FAT3: variants seen among roughly 807,000 people sequenced by gnomAD.
FAT3 encodes the protein protocadherin Fat 3.
A neutral mutation model predicts 310.2 loss-of-function variants in FAT3; 95 were observed. The observed-to-expected ratio is 0.31, with a 90% confidence interval of 0.26 to 0.36. FAT3 has a LOEUF of 0.36. Among genes scored for constraint, FAT3 ranks in the 10% least tolerant of loss-of-function variants. The pLI is 1.00. For missense variants in FAT3, 5,408 were observed against 5,715.6 expected (o/e 0.95, Z 1.74); for synonymous variants, 2,314 against 2,192.9 (o/e 1.06, Z -1.54).
At chr11:92,411,506 C>T (rs1950268469) in intron 2 of FAT3, among the ~76,000 whole-genome samples, 1 of 152,044 alleles carries the variant, frequency 6.6e-6, no homozygotes, top group South Asian at 2.1e-4. Context: ...ACAGGGCTCA[C>T]CTGAACCTTT....
chr11:92,425,987 T>G (rs1950623956), intron 2 of FAT3, among the ~76,000 whole-genome samples: 1 of 152,234 alleles, frequency 6.6e-6, no homozygotes, highest in Non-Finnish European at 1.5e-5. Flanking sequence ...TGAACTAATT[T>G]ACACTCCCAC....
chr11:92,789,322 T>C (rs1355657479), intron 7 of FAT3, among the ~76,000 whole-genome samples: 1 of 152,208 alleles, frequency 6.6e-6, no homozygotes, highest in Non-Finnish European at 1.5e-5. Context: ...CATTACACTA[T>C]TTTATATTTG....
intron 4 of FAT3, among the ~76,000 whole-genome samples, chr11:92,709,562 C>T (rs1468516425): frequency 1.3e-5 from 2 of 152,138 alleles, no homozygotes; most frequent in African/African-American, 4.8e-5. Context: ...CGCTTTGTAC[C>T]CCAGCACCTA....
rs2136419595 is a variant in FAT3 at position 92,883,439 on chromosome 11, C to A, written c.12937+46C>A. On this transcript the variant is annotated intron_variant, in intron 24 of 27. Coordinates refer to ENST00000525166, the MANE Select transcript of FAT3 (RefSeq NM_001367949.2). This position sits in a 1 kb window ranked among gnomAD's most constrained non-coding sequence, Gnocchi z 4.2. ...CTCACCCCTCGGTGCTTACAGGGAACCTGCAGGGGCGCTGTGCGAGGACGC... is the reference window on the plus strand; with the variant it reads ...CTCACCCCTCGGTGCTTACAGGGAAACTGCAGGGGCGCTGTGCGAGGACGC... The A allele has an allele frequency of 1.3e-6, 2 of 1,555,612 alleles. No individual in the cohort carries two copies. Among genetic ancestry groups the A allele is most frequent in the East Asian group, 2.3e-5 (1 of 44,246 alleles).
intron 2 of FAT3, among the ~76,000 whole-genome samples, chr11:92,485,423 A>G (rs1321634238): frequency 2.6e-5 from 4 of 152,206 alleles, no homozygotes; most frequent in East Asian, 3.8e-4. Flanking sequence ...CTGCAAAGTC[A>G]TGCTTCTCTA....
intron 13 of FAT3, among the ~76,000 whole-genome samples, chr11:92,828,422 CA>C (rs1179884671): frequency 6.6e-6 from 1 of 152,148 alleles, no homozygotes; most frequent in Non-Finnish European, 1.5e-5. Context: ...TGAGAGGTAG[CA>C]AATCCTAAGT....
At chr11:92,814,879 TA>T (rs555572822) in intron 13 of FAT3, among the ~76,000 whole-genome samples, 45 of 152,260 alleles carry the variant, frequency 3.0e-4, no homozygotes, top group African/African-American at 1.1e-3. Context: ...AGTAAAATTT[TA>T]AAAGAGCAAA....
chr11:92,465,800 C>T (rs2135127233), intron 2 of FAT3, among the ~76,000 whole-genome samples: 1 of 151,320 alleles, frequency 6.6e-6, no homozygotes, highest in African/African-American at 2.4e-5. Context: ...CAACATGGCA[C>T]ATGTATACAT....
intron 3 of FAT3, among the ~76,000 whole-genome samples, chr11:92,632,556 C>A (rs1740926026): frequency 6.6e-6 from 1 of 152,242 alleles, no homozygotes; most frequent in Non-Finnish European, 1.5e-5. Flanking sequence ...TAGGCAGTCA[C>A]TTCTCTTCTG....
In FAT3 at chr11:92,282,657, TAAAA is replaced by T. The variant is rs10586850; in HGVS notation, c.-18+57495_-18+57498del. ...AAGAGTGAAACTCTATCTCAAAAAA[TAAAA>T]AAAAAAAAAAAGGATGTTGTAAATC... On this transcript the variant is annotated intron_variant, in intron 1 of 27. Transcript: ENST00000525166. 9.5e-3 allele frequency among the ~76,000 whole-genome samples: 1,343 copies of T among 141,802 alleles called. 10 individuals are homozygous for T. The highest frequency in any genetic ancestry group is 0.032 in the African/African-American group (1,263 of 39,956). The allele number at this position is 141,802 out of a possible 152,430, so 93.0% of individuals were successfully genotyped here. A position where few individuals can be genotyped will look rare whatever the true frequency, so the allele number is the denominator to read the frequency against.
intron 4 of FAT3, among the ~76,000 whole-genome samples, chr11:92,721,597 A>G (rs1168184880): frequency 6.6e-6 from 1 of 152,208 alleles, no homozygotes; most frequent in Non-Finnish European, 1.5e-5. Flanking sequence ...ATTTTTCTAA[A>G]AGTCAAATCT....
chr11:92,680,174 T>C (rs1042678975), intron 3 of FAT3, among the ~76,000 whole-genome samples: 5 of 151,922 alleles, frequency 3.3e-5, no homozygotes, highest in African/African-American at 1.2e-4. Context: ...GGCCATAATA[T>C]CTTTGCCTCA....
chr11:92,645,590 G>A (rs1942127143), intron 3 of FAT3, among the ~76,000 whole-genome samples: 1 of 151,140 alleles, frequency 6.6e-6, no homozygotes, highest in Admixed American at 6.6e-5. Flanking sequence ...TGTCTTGTTA[G>A]TAACTTAGTC....
At chr11:92,655,608 T>G (rs1255485765) in intron 3 of FAT3, among the ~76,000 whole-genome samples, 1 of 152,192 alleles carries the variant, frequency 6.6e-6, no homozygotes, top group African/African-American at 2.4e-5. Flanking sequence ...TCCTGACTCT[T>G]TGTGCTTGGT....
chr11:92,403,990 G>A (rs1295262482), intron 2 of FAT3, among the ~76,000 whole-genome samples: 3 of 151,902 alleles, frequency 2.0e-5, no homozygotes, highest in African/African-American at 7.3e-5. Context: ...AGCCAAGATT[G>A]TGCCACTGCA....
intron 4 of FAT3, among the ~76,000 whole-genome samples, chr11:92,735,718 T>C (rs1945324341): frequency 6.6e-6 from 1 of 151,776 alleles, no homozygotes; most frequent in Non-Finnish European, 1.5e-5. Flanking sequence ...CTATATTGGC[T>C]AAACGTAAAA....
chr11:92,831,730 A>AG lies in FAT3; in HGVS notation c.9591dup (p.Gln3198AlafsTer12). On this transcript the variant is annotated frameshift_variant, in exon 14 of 28. Transcript: ENST00000525166. LOFTEE classifies it high-confidence loss of function. ...CTGGAGCAGCCACTGGACCGTGAGC[A>AG]GCAGTCTTCGTACAACATCAGCGTG... 6.2e-7 allele frequency: 1 copy of AG among 1,613,628 alleles called. No individual in the cohort carries two copies. Among genetic ancestry groups the AG allele is most frequent in the Non-Finnish European group, 8.5e-7 (1 of 1,179,764 alleles).
At chr11:92,667,400 A>G (rs1942989213) in intron 3 of FAT3, among the ~76,000 whole-genome samples, 1 of 152,112 alleles carries the variant, frequency 6.6e-6, no homozygotes, top group Admixed American at 6.5e-5. Context: ...CAGCAGGCTC[A>G]TAAACAAAAC....
intron 17 of FAT3, among the ~76,000 whole-genome samples, chr11:92,838,733 G>T (rs1197069000): frequency 6.6e-6 from 1 of 152,118 alleles, no homozygotes; most frequent in Non-Finnish European, 1.5e-5. Flanking sequence ...AGCTCTTGAG[G>T]GTCCCCTTTG....
Sources: gnomAD v4.1 joint callset for allele counts (sites outside exome capture counted in the v4.1 genomes callset) on GRCh38, gnomAD v4.1.1 for gene constraint, Gnocchi (gnomAD v3.1) non-coding constraint, MANE v1.5 for transcripts, NCBI Gene and HGNC (gene_info 2026-07-23, HGNC 2026-07-21) for gene names.